Variants in APBB2 observed in about 807,000 individuals in gnomAD.
The protein encoded by APBB2 is amyloid beta precursor protein binding family B member 2, also known as Fe65-like 1.
APBB2 carries 38 observed loss-of-function variants against 82.5 expected under a neutral mutation model. The ratio of observed to expected loss-of-function variants is 0.46; its 90% CI spans 0.36 to 0.60. APBB2 has a LOEUF of 0.60. Among genes scored for constraint, APBB2 ranks in the 20% least tolerant of loss-of-function variants. APBB2 has a pLI of 0.00. For missense variants in APBB2, 772 were observed against 972.3 expected (o/e 0.79, Z 2.74); for synonymous variants, 341 against 368.2 (o/e 0.93, Z 0.85).
chr4:41,108,281 G>A (rs1484459157), intron 2 of APBB2, among the ~76,000 whole-genome samples: 3 of 152,092 alleles, frequency 2.0e-5, no homozygotes, highest in African/African-American at 7.2e-5. Flanking sequence ...TGTATAAAGA[G>A]ATCATAAAGG....
At chr4:40,816,553 A>G (rs992641837) in intron 17 of APBB2, among the ~76,000 whole-genome samples, 1 of 152,236 alleles carries the variant, frequency 6.6e-6, no homozygotes, top group African/African-American at 2.4e-5. Flanking sequence ...TCAATGAGCT[A>G]ATGAAACCAG....
At chr4:40,885,831 G>T (rs540770172) in intron 12 of APBB2, among the ~76,000 whole-genome samples, 1 of 152,276 alleles carries the variant, frequency 6.6e-6, no homozygotes, top group African/African-American at 2.4e-5. Flanking sequence ...CCAAGCCTGG[G>T]AAACGCTTTC....
chr4:41,084,073 T>C (rs1180591686), intron 3 of APBB2, among the ~76,000 whole-genome samples: 1 of 152,156 alleles, frequency 6.6e-6, no homozygotes, highest in Non-Finnish European at 1.5e-5. Context: ...AAAAAAGTGA[T>C]CATTAATAGT....
chr4:40,861,415 T>C (rs1379319867), intron 12 of APBB2, among the ~76,000 whole-genome samples: 5 of 152,120 alleles, frequency 3.3e-5, no homozygotes, highest in Non-Finnish European at 7.4e-5. Flanking sequence ...TTGTCCTACC[T>C]GCCTGGGAGG....
At chr4:40,830,419 G>GA (rs761175404) in intron 13 of APBB2, 44 bp downstream of exon 13, 21 of 1,387,512 alleles carry the variant, frequency 1.5e-5, no homozygotes, top group Non-Finnish European at 2.2e-5. Flanking sequence ...TATGCAGCAA[G>GA]AAAAAAAGAG....
intron 6 of APBB2, among the ~76,000 whole-genome samples, chr4:40,999,805 T>G (rs76707137): frequency 1.3e-5 from 2 of 152,264 alleles, no homozygotes; most frequent in Middle Eastern, 3.4e-3. Flanking sequence ...CGCTATTACC[T>G]TGAATTTGTT....
chr4:40,975,390 C>T (rs1481269345), intron 6 of APBB2, among the ~76,000 whole-genome samples: 4 of 152,084 alleles, frequency 2.6e-5, no homozygotes, highest in Non-Finnish European at 2.9e-5. Flanking sequence ...TCCAGTTCTC[C>T]CCTCACTCCC....
At chr4:40,876,011 T>C (rs1019757581) in intron 12 of APBB2, among the ~76,000 whole-genome samples, 11 of 152,364 alleles carry the variant, frequency 7.2e-5, no homozygotes, top group African/African-American at 1.4e-4. Flanking sequence ...TGATTCTTCC[T>C]GGCTTGAGGT....
intron 10 of APBB2, among the ~76,000 whole-genome samples, chr4:40,900,300 T>C (rs981843500): frequency 1.3e-5 from 2 of 152,156 alleles, no homozygotes; most frequent in Admixed American, 6.5e-5. Flanking sequence ...TCCCTGTAGA[T>C]ACACCTGAGT....
intron 10 of APBB2, among the ~76,000 whole-genome samples, chr4:40,911,049 C>A (rs1206786074): frequency 2.0e-5 from 3 of 152,264 alleles, no homozygotes; most frequent in Admixed American, 6.5e-5. Flanking sequence ...CGGCAAGTTG[C>A]TGACCTTCCC....
intron 6 of APBB2, among the ~76,000 whole-genome samples, chr4:40,976,901 T>C (rs1797305860): frequency 6.6e-6 from 1 of 151,922 alleles, no homozygotes; most frequent in African/African-American, 2.4e-5. Flanking sequence ...TAAAAAAAAT[T>C]AGCTGAGCAT....
intron 6 of APBB2, among the ~76,000 whole-genome samples, chr4:41,000,861 T>TA (rs1369686251): frequency 2.4e-3 from 354 of 146,844 alleles, no homozygotes; most frequent in African/African-American, 7.2e-3. Flanking sequence ...CACACAAAGT[T>TA]AAAAAAAAAA....
At chr4:41,084,246 G>A (rs1233897795) in intron 3 of APBB2, among the ~76,000 whole-genome samples, 1 of 152,078 alleles carries the variant, frequency 6.6e-6, no homozygotes, top group East Asian at 1.9e-4. Context: ...CCAACATGAA[G>A]AAACCCTGTT....
chr4:40,849,640 C>T (rs376651008), intron 12 of APBB2, among the ~76,000 whole-genome samples: 10 of 152,242 alleles, frequency 6.6e-5, no homozygotes, highest in Non-Finnish European at 8.8e-5. Flanking sequence ...CTCCCACCCC[C>T]TCAGAGGTAC....
chr4:41,180,187 C>G (rs991665166), intron 1 of APBB2, among the ~76,000 whole-genome samples: 6 of 152,200 alleles, frequency 3.9e-5, no homozygotes, highest in Non-Finnish European at 8.8e-5. Context: ...GCATGCCTGA[C>G]CCCCTCCTCG....
chr4:40,922,819 T>C (rs530706231), intron 10 of APBB2, among the ~76,000 whole-genome samples: 322 of 151,654 alleles, frequency 2.1e-3, no homozygotes, highest in African/African-American at 7.4e-3. Flanking sequence ...GGGCTCACTA[T>C]GTTGGCCAGG....
chr4:40,900,209 TAAC>T (rs1182325405), intron 10 of APBB2, among the ~76,000 whole-genome samples: 1 of 152,184 alleles, frequency 6.6e-6, no homozygotes, highest in African/African-American at 2.4e-5. Context: ...TGCAGCACAA[TAAC>T]AACTGTGTAT....
chr4:41,107,043 C>T (rs1484653378), intron 2 of APBB2, among the ~76,000 whole-genome samples: 1 of 152,148 alleles, frequency 6.6e-6, no homozygotes, highest in African/African-American at 2.4e-5. Context: ...GGCACAGTAG[C>T]TCATGCCTAT....
chr4:40,850,441 C>T (rs1356428670), intron 12 of APBB2, among the ~76,000 whole-genome samples: 3 of 152,336 alleles, frequency 2.0e-5, no homozygotes, highest in African/African-American at 7.2e-5. Context: ...ATTTTCAACA[C>T]AACACAAAGC....
Sources: gnomAD v4.1 joint callset for allele counts (sites outside exome capture counted in the v4.1 genomes callset) on GRCh38, gnomAD v4.1.1 for gene constraint, MANE v1.5 for transcripts, NCBI Gene and HGNC (gene_info 2026-07-23, HGNC 2026-07-21) for gene names.